Variants in ALG13 observed in about 807,000 individuals in gnomAD.
ALG13 encodes the protein UDP-N-acetylglucosamine transferase subunit ALG13.
ALG13 carries 11 observed loss-of-function variants against 87.8 expected under a neutral mutation model. The ratio of observed to expected loss-of-function variants is 0.13; its 90% CI spans 0.08 to 0.21. ALG13 has a LOEUF of 0.21. ALG13 is among the 10% of genes least tolerant of loss of function. The pLI is 1.00. For synonymous variants in ALG13, 320 were observed against 306.3 expected (o/e 1.04, Z -0.47); for missense variants, 756 against 866.1 (o/e 0.87, Z 1.60).
At chrX:111,735,154 A>G (rs771060213) in intron 22 of ALG13, 32 bp downstream of exon 22, 2 of 935,809 alleles carry the variant, frequency 2.1e-6, no homozygotes, top group African/African-American at 1.9e-5. Flanking sequence ...AGCAGTTACA[A>G]TGGCCTGAAC....
At chrX:111,750,180 T>C (rs1944588568) in intron 24 of ALG13, among the ~76,000 whole-genome samples, 1 of 111,622 alleles carries the variant, frequency 9.0e-6, no homozygotes, top group Non-Finnish European at 1.9e-5. Context: ...TTCACTTCCA[T>C]CTAAGTTCTA....
intron 10 of ALG13, 112 bp downstream of exon 10, chrX:111,718,386 G>T: frequency 5.1e-6 from 3 of 587,082 alleles, no homozygotes; most frequent in South Asian, 3.6e-5. Flanking sequence ...ATATTCACAC[G>T]TACACATATG....
intron 3 of ALG13, among the ~76,000 whole-genome samples, chrX:111,700,890 C>T (rs1460716116): frequency 9.2e-6 from 1 of 108,929 alleles, no homozygotes; most frequent in African/African-American, 3.4e-5. Context: ...CGTGCCCGGC[C>T]AAGAGTGTTT....
At chrX:111,757,844 A>T (rs1945408498) in intron 26 of ALG13, 82 bp downstream of exon 26, 1 of 937,523 alleles carries the variant, frequency 1.1e-6, no homozygotes, top group Non-Finnish European at 1.5e-6. Context: ...CATATATTTC[A>T]TCAGGTCCAT....
At chrX:111,683,326 A>ATTT (rs763991466) in intron 2 of ALG13, among the ~76,000 whole-genome samples, 2 of 63,565 alleles carry the variant, frequency 3.1e-5, no homozygotes, top group Non-Finnish European at 3.1e-5. Context: ...CTTTCTTTCT[A>ATTT]TTTTTTTTTT....
intron 12 of ALG13, 82 bp from the exon 13 acceptor site, chrX:111,722,711 C>T (rs185460252): frequency 4.9e-5 from 33 of 674,754 alleles, no homozygotes; most frequent in Admixed American, 3.1e-4. Context: ...AAAGGCACTA[C>T]GGTAAAAGTA....
chrX:111,754,373 A>T (rs1945042071), intron 25 of ALG13, among the ~76,000 whole-genome samples: 1 of 111,839 alleles, frequency 8.9e-6, no homozygotes, highest in South Asian at 3.7e-4. Context: ...CAAGACAAGG[A>T]TGTCCTCTCT....
At chrX:111,683,590 C>T (rs1023868770) in intron 2 of ALG13, among the ~76,000 whole-genome samples, 2 of 109,661 alleles carry the variant, frequency 1.8e-5, no homozygotes, top group East Asian at 2.9e-4. Flanking sequence ...CCACCTGCCT[C>T]GGCCTCTCAA....
intron 25 of ALG13, among the ~76,000 whole-genome samples, chrX:111,754,428 G>A (rs1279815260): frequency 9.0e-6 from 1 of 111,637 alleles, no homozygotes; most frequent in African/African-American, 3.3e-5. Context: ...GGCCAGGGCA[G>A]TCAGGTAAGA....
Position 111,708,264 on chromosome X carries a change from A to T in ALG13, c.621A>T (p.Gly207=), listed in dbSNP as rs371428241. The T allele has an allele frequency of 7.4e-6, 9 of 1,209,915 alleles. No individual in the cohort carries two copies. In the African/African-American group the frequency reaches 1.6e-4, roughly 21 times the overall value. The change falls in exon 4 of 27, where the codon GGA becomes GGT. Residue 207 remains glycine (G), a synonymous_variant. Transcript: ENST00000394780. ...CCACCCTGTACAAAATGCATAAAGG[A>T]TGGAAAAACTACTGCAGCCAGAAGT... ...LTPTLYKMHK[G]WKNYCSQKSL...
intron 13 of ALG13, among the ~76,000 whole-genome samples, chrX:111,723,133 T>TTTTA (rs1056782413): frequency 4.7e-5 from 5 of 107,512 alleles, no homozygotes; most frequent in South Asian, 4.1e-4. Flanking sequence ...TTTTTTTTAT[T>TTTTA]TTTATTTATT....
chrX:111,681,628 C>G (rs1933268055), intron 1 of ALG13: 8 of 929,148 alleles, frequency 8.6e-6, no homozygotes, highest in Non-Finnish European at 1.1e-5. Context: ...CTCCGCCCCT[C>G]CGAGCTCGGG....
chrX:111,730,264 G>A, intron 19 of ALG13, 131 bp from the exon 20 acceptor site: 1 of 518,148 alleles, frequency 1.9e-6, no homozygotes, highest in East Asian at 3.6e-5. Context: ...TCACTTTTCA[G>A]GATGTATGCA....
chrX:111,713,470 T>C (rs1436990435), intron 8 of ALG13, among the ~76,000 whole-genome samples, 173 bp downstream of exon 8: 5 of 111,788 alleles, frequency 4.5e-5, no homozygotes, highest in African/African-American at 1.6e-4. Flanking sequence ...TTGTTAGCCC[T>C]CTAAACAGAC....
chrX:111,737,735 A>G (rs1467316353), intron 23 of ALG13, among the ~76,000 whole-genome samples: 1 of 112,426 alleles, frequency 8.9e-6, no homozygotes, highest in Non-Finnish European at 1.9e-5. Context: ...AGGGCAGACA[A>G]TTTGGAAGCA....
Position 111,724,162 on chromosome X carries a change from C to T in ALG13, c.1601+264C>T, listed in dbSNP as rs1354788098. On this transcript the variant is annotated intron_variant, in intron 14 of 26. Transcript: ENST00000394780. ...AGTACAACAGAATTCTGATACAAAA[C>T]TGTTCATAGTAATTGCAAAGTTGAA... Among the ~76,000 whole-genome samples the T allele has an allele frequency of 8.0e-5, 9 of 112,299 alleles. No homozygotes were observed. In the South Asian group the frequency reaches 1.8e-3, roughly 23 times the overall value.
At chrX:111,704,606 A>G (rs1938432081) in intron 3 of ALG13, among the ~76,000 whole-genome samples, 1 of 111,767 alleles carries the variant, frequency 8.9e-6, no homozygotes, top group African/African-American at 3.2e-5. Context: ...TTATGATCCC[A>G]TTTGTTTGAA....
rs1458406688 is a variant in ALG13, at chrX:111,736,842, G to T, written c.2658G>T (p.Gln886His). Residue 886 changes from glutamine to histidine, a missense_variant, in exon 23 of 27, where the codon CAG (glutamine) becomes CAT (histidine). Coordinates refer to ENST00000394780, the MANE Select transcript of ALG13 (RefSeq NM_001099922.3). ...CAGTTTCCTCACAGAATGCTATACA[G>T]CCTCTCTTTGTATCTCCACCTACAC... ...TTSVSSQNAI[Q>H]PLFVSPPTHG... is the part of the protein sequence containing the mutation. The T allele has an allele frequency of 8.3e-7, 1 of 1,209,538 alleles. No individual in the cohort carries two copies. The highest frequency in any genetic ancestry group is 3.0e-5 in the East Asian group (1 of 33,707).
intron 23 of ALG13, among the ~76,000 whole-genome samples, chrX:111,739,296 C>T (rs946476675): frequency 5.4e-5 from 6 of 112,067 alleles, no homozygotes; most frequent in Admixed American, 4.7e-4. Context: ...GGGGAAACCG[C>T]TCCCATGATC....
Sources: allele counts gnomAD v4.1 joint callset (sites outside exome capture counted in the v4.1 genomes callset), GRCh38; gene constraint gnomAD v4.1.1; transcripts MANE v1.5; gene names NCBI Gene and HGNC (gene_info 2026-07-23, HGNC 2026-07-21).